Variants in ANKRD44 observed in about 807,000 individuals in gnomAD.
The protein encoded by ANKRD44 is serine/threonine-protein phosphatase 6 regulatory ankyrin repeat subunit B.
ANKRD44 carries 35 observed loss-of-function variants against 116.0 expected under a neutral mutation model. That is an observed-to-expected ratio of 0.30 (90% CI 0.23 to 0.40). The LOEUF is 0.40. Among genes scored for constraint, ANKRD44 ranks in the 10% least tolerant of loss-of-function variants. ANKRD44 has a pLI of 1.00. For synonymous variants in ANKRD44, 435 were observed against 461.8 expected (o/e 0.94, Z 0.74); for missense variants, 1,014 against 1,242.6 (o/e 0.82, Z 2.77).
intron 26 of ANKRD44, 138 bp from the exon 27 acceptor site, chr2:196,993,812 A>G (rs950814978): frequency 6.0e-6 from 4 of 668,376 alleles, no homozygotes; most frequent in South Asian, 3.9e-5. Flanking sequence ...TTAAGAAAAA[A>G]AAATGCTGAC....
At chr2:196,999,563 C>CTTATTTAT (rs375324261) in intron 23 of ANKRD44, among the ~76,000 whole-genome samples, 7,280 of 138,360 alleles carry the variant, frequency 0.053, 207 homozygotes, top group South Asian at 0.062. Context: ...TGTACAGACA[C>CTTATTTAT]TTATTTATTT....
intron 10 of ANKRD44, 200 bp downstream of exon 10, chr2:197,099,616 A>C: frequency 7.8e-7 from 1 of 1,282,960 alleles, no homozygotes; most frequent in Non-Finnish European, 9.9e-7. Context: ...ATTTGGATGA[A>C]GCTAAAAAAT....
At chr2:196,985,600 A>C (rs1471271070), downstream of ANKRD44, among the ~76,000 whole-genome samples, 2 of 152,234 alleles carry the variant, frequency 1.3e-5, no homozygotes, top group African/African-American at 4.8e-5. Flanking sequence ...ATGTGGTATC[A>C]TCAGATCACT....
At chr2:197,122,896 T>G in intron 6 of ANKRD44, 104 bp from the exon 7 acceptor site, 1 of 1,385,262 alleles carries the variant, frequency 7.2e-7, no homozygotes, top group Non-Finnish European at 9.7e-7. Flanking sequence ...CCACCAGTAT[T>G]TTGCTGAGTT....
At chr2:197,236,555 G>T (rs1450443607) in intron 1 of ANKRD44, among the ~76,000 whole-genome samples, 1 of 152,154 alleles carries the variant, frequency 6.6e-6, no homozygotes, top group African/African-American at 2.4e-5. Flanking sequence ...GGTCTATGGG[G>T]CCTACTAGTT....
At chr2:197,248,313 G>A (rs1415496184) in intron 1 of ANKRD44, among the ~76,000 whole-genome samples, 1 of 151,986 alleles carries the variant, frequency 6.6e-6, no homozygotes. Flanking sequence ...GCCATCCCAA[G>A]CAAGACGGAC....
intron 3 of ANKRD44, among the ~76,000 whole-genome samples, chr2:197,140,557 G>A (rs1252365916): frequency 6.6e-6 from 1 of 152,106 alleles, no homozygotes; most frequent in Non-Finnish European, 1.5e-5. Flanking sequence ...CTGCCCTCAA[G>A]TGATCCTCCT....
intron 1 of ANKRD44, among the ~76,000 whole-genome samples, chr2:197,222,362 T>TA (rs1251639961): frequency 6.6e-6 from 1 of 152,222 alleles, no homozygotes; most frequent in African/African-American, 2.4e-5. Context: ...GAATAGTGTG[T>TA]AATGGGAACT....
At chr2:197,050,579 C>T (rs1046616522) in intron 16 of ANKRD44, among the ~76,000 whole-genome samples, 3 of 152,014 alleles carry the variant, frequency 2.0e-5, no homozygotes, top group South Asian at 4.1e-4. Context: ...CCCACTATCA[C>T]GCTCAGCTAA....
At chr2:196,969,703 G>T (rs2075701612) in intron 21 of ANKRD44, among the ~76,000 whole-genome samples, 2 of 152,136 alleles carry the variant, frequency 1.3e-5, no homozygotes, top group African/African-American at 4.8e-5. Context: ...CTGAATTTAT[G>T]TTGGTTGTTT....
At chr2:197,127,925 T>G (rs1030987456) in intron 4 of ANKRD44, among the ~76,000 whole-genome samples, 1 of 152,196 alleles carries the variant, frequency 6.6e-6, no homozygotes, top group South Asian at 2.1e-4. Context: ...GGTGTTTGGT[T>G]TTCTGTTTCT....
intron 17 of ANKRD44, among the ~76,000 whole-genome samples, chr2:197,024,298 T>A (rs13015419): frequency 6.6e-6 from 1 of 152,120 alleles, no homozygotes; most frequent in Non-Finnish European, 1.5e-5. Context: ...TTCTTCCTGG[T>A]GTCCTGCCCC....
intron 2 of ANKRD44, among the ~76,000 whole-genome samples, chr2:197,178,718 C>T (rs908540015): frequency 3.9e-5 from 6 of 152,284 alleles, no homozygotes; most frequent in Middle Eastern, 3.4e-3. Flanking sequence ...CTTAGAAAGT[C>T]CTTCCCCATA....
chr2:197,100,995 TAAGAACAAAG>T (rs1215269127), intron 9 of ANKRD44, among the ~76,000 whole-genome samples: 2 of 152,224 alleles, frequency 1.3e-5, no homozygotes, highest in Non-Finnish European at 2.9e-5. Context: ...ATGTTTTTCC[TAAGAACAAAG>T]ACATTTTCGC....
intron 1 of ANKRD44, among the ~76,000 whole-genome samples, chr2:197,305,742 G>A (rs2084049700): frequency 6.6e-6 from 1 of 152,038 alleles, no homozygotes; most frequent in Non-Finnish European, 1.5e-5. Context: ...AAAGTCATTG[G>A]TGTAGAGAAC....
rs1380967047 is a variant in ANKRD44 at position 197,287,859 on chromosome 2, A to G, written c.27+22719T>C. On this transcript the variant is annotated intron_variant, in intron 1 of 27. Transcript: ENST00000282272. ...ACATGGTGAAACCCTGTCCCTCCTA[A>G]AAATACAAAAATTAGCCCGGTGTGG... 2.0e-5 allele frequency among the ~76,000 whole-genome samples: 3 copies of G among 151,904 alleles called. No individual in the cohort carries two copies. The East Asian group carries it at 5.8e-4, about 29-fold the overall frequency.
rs2081338063 is a variant in ANKRD44 at position 197,212,046 on chromosome 2, TCTCTCTCA to T, written c.28-24948_28-24941del. Among the ~76,000 whole-genome samples, 4 of 80,718 alleles carry T rather than the reference TCTCTCTCA, an allele frequency of 5.0e-5. No homozygotes were observed. The highest frequency in any genetic ancestry group is 1.4e-4 in the African/African-American group (4 of 29,130). 53.0% of individuals were successfully genotyped at this position (80,718 alleles called of 152,430 possible). ...GCCTCTCTCTCTCTCTCAGTCTCTC[TCTCTCTCA>T]CACACACACACACACACACACCCCA... On this transcript the variant is annotated intron_variant, in intron 1 of 27. Transcript: ENST00000282272. This position sits in a 1 kb window ranked among gnomAD's most constrained non-coding sequence, Gnocchi z 4.8.
At chr2:197,140,788 A>G (rs2079343676) in intron 3 of ANKRD44, among the ~76,000 whole-genome samples, 2 of 152,184 alleles carry the variant, frequency 1.3e-5, no homozygotes, top group African/African-American at 4.8e-5. Context: ...GGTGACAGAG[A>G]TAGACATCTC....
intron 1 of ANKRD44, among the ~76,000 whole-genome samples, chr2:197,224,638 T>C (rs1668595824): frequency 6.6e-6 from 1 of 152,254 alleles, no homozygotes; most frequent in African/African-American, 2.4e-5. Context: ...TTATTCATTA[T>C]GCTTTTTGGT....
Sources: allele counts gnomAD v4.1 joint callset (sites outside exome capture counted in the v4.1 genomes callset), GRCh38; gene constraint gnomAD v4.1.1; non-coding constraint Gnocchi (gnomAD v3.1); transcripts MANE v1.5; gene names NCBI Gene and HGNC (gene_info 2026-07-23, HGNC 2026-07-21).